The following FAM107A variants were observed in gnomAD, a reference collection of about 807,000 sequenced individuals.
FAM107A encodes the protein actin-associated protein FAM107A.
Under a neutral mutation model 13.7 loss-of-function variants are expected in FAM107A, and 19 were observed. The observed-to-expected ratio is 1.38, with a 90% CI of 0.97 to 2.03. FAM107A has a LOEUF of 2.03. Ranked by LOEUF, FAM107A falls within the 30% of genes most tolerant of loss-of-function variation. The pLI, the probability that FAM107A is intolerant of heterozygous loss-of-function variation, is 0.00. For missense variants in FAM107A, 203 were observed against 184.4 expected, an observed-to-expected ratio of 1.10 and a Z score of -0.58; for synonymous variants, 82 against 74.5, an observed-to-expected ratio of 1.10 and a Z score of -0.52.
chr3:58,577,354 G>A lies in FAM107A; in HGVS notation c.-51C>T. On this transcript the variant is annotated 5_prime_UTR_variant, in exon 1 of 4. Transcript: ENST00000360997. This position sits in a 1 kb window ranked among gnomAD's most constrained non-coding sequence, Gnocchi z 4.9. ...GAAGGGAAGTCAGGAGCGTGTTGCT[G>A]GGTTCCTCACTCCACCGGGAAGTCC... 1 of 985,452 alleles carries A rather than the reference G, an allele frequency of 1.0e-6. No homozygotes were observed. 61.0% of individuals were successfully genotyped at this position (985,452 alleles called of 1,614,324 possible).
At chr3:58,597,260 G>T (rs373985182) in intron 1 of FAM107A, among the ~76,000 whole-genome samples, 4 of 152,212 alleles carry the variant, frequency 2.6e-5, no homozygotes, top group Admixed American at 6.5e-5. Context: ...TTTAGCTATA[G>T]TGGATACTGC....
chr3:58,607,635 C>G (rs533176868), intron 1 of FAM107A: 112 of 152,190 alleles, frequency 7.4e-4, no homozygotes, highest in African/African-American at 2.5e-3. Context: ...TGACTCTGTC[C>G]TGCTAGCATA....
chr3:58,585,524 G>C (rs950489603), intron 1 of FAM107A, among the ~76,000 whole-genome samples: 36 of 152,358 alleles, frequency 2.4e-4, no homozygotes, highest in African/African-American at 7.9e-4. Flanking sequence ...GTTCCAGAGC[G>C]GGCCGCGCGG....
intron 2 of FAM107A, among the ~76,000 whole-genome samples, chr3:58,568,535 C>A (rs2063647716): frequency 6.6e-6 from 1 of 151,950 alleles, no homozygotes; most frequent in African/African-American, 2.4e-5. Flanking sequence ...CAAATACTTT[C>A]TCTGATTTGT....
intron 1 of FAM107A, among the ~76,000 whole-genome samples, chr3:58,625,938 C>T (rs1000143959): frequency 6.6e-6 from 1 of 152,194 alleles, no homozygotes; most frequent in African/African-American, 2.4e-5. Context: ...CCATGTTTAT[C>T]GGGGAGCCTC....
chr3:58,593,473 G>A (rs1287339468), intron 1 of FAM107A, among the ~76,000 whole-genome samples: 3 of 152,048 alleles, frequency 2.0e-5, no homozygotes, highest in Non-Finnish European at 2.9e-5. Context: ...CATCATAACT[G>A]ATATCTCCTG....
chr3:58,575,823 G>A (rs1335180098), intron 1 of FAM107A, among the ~76,000 whole-genome samples: 1 of 152,178 alleles, frequency 6.6e-6, no homozygotes, highest in African/African-American at 2.4e-5. Flanking sequence ...AGAGTCCACG[G>A]GCCTGTCTGG....
In FAM107A at chr3:58,617,392, G is replaced by A. The variant is rs1156323339; in HGVS notation, c.-70+10024C>T. ...ACATCATCCCTATGGGACACCTCAGGCCCCGTCCTGAGCTTCCTGAGGAGC... is the reference window on the plus strand; with the variant it reads ...ACATCATCCCTATGGGACACCTCAGACCCCGTCCTGAGCTTCCTGAGGAGC... On this transcript the variant is annotated intron_variant, in intron 1 of 3. Transcript: ENST00000465970. The surrounding 1 kb of genome is among the most constrained non-coding windows in gnomAD (Gnocchi z 4.5). Among the ~76,000 whole-genome samples, 1 of 152,058 alleles carries A rather than the reference G, an allele frequency of 6.6e-6. No homozygotes were observed.
chr3:58,575,114 TTCTG>T (rs1247845465), intron 1 of FAM107A, among the ~76,000 whole-genome samples: 3 of 152,192 alleles, frequency 2.0e-5, no homozygotes, highest in Non-Finnish European at 4.4e-5. Flanking sequence ...GTAGTCATGT[TTCTG>T]TCTTCGATGG....
rs1559472430 is a variant in FAM107A at position 58,566,339 on chromosome 3, C to T, written c.*249G>A. The T allele has an allele frequency of 1.2e-5, 6 of 485,728 alleles. No homozygotes were observed. Among genetic ancestry groups the T allele is most frequent in the African/African-American group, 2.0e-5 (1 of 51,188 alleles). 30.1% of individuals were successfully genotyped at this position (485,728 alleles called of 1,614,324 possible). A position where few individuals can be genotyped will look rare whatever the true frequency, so the allele number is the denominator to read the frequency against. ...AGCTCCTGTGCTGGGCTCTGAACCC[C>T]TTGCAGGGAGGGGTGCAGGTTATCC... On this transcript the variant is annotated 3_prime_UTR_variant, in exon 4 of 4. Coordinates refer to ENST00000360997, the MANE Select transcript of FAM107A (RefSeq NM_001076778.3).
rs1283213807 is a variant in FAM107A, at chr3:58,566,499, G to A, written c.*89C>T. The A allele has an allele frequency of 2.3e-6, 2 of 862,288 alleles. No homozygotes were observed. The highest frequency in any genetic ancestry group is 1.7e-5 in the African/African-American group (1 of 59,588). The allele number at this position is 862,288 out of a possible 1,614,324, so 53.4% of individuals were successfully genotyped here. ...GGTGGGAACATCACAGACGTCCCAGGGCCTGGGGCCCAGGGCTGCCAGGTA... is the reference window on the plus strand; with the variant it reads ...GGTGGGAACATCACAGACGTCCCAGAGCCTGGGGCCCAGGGCTGCCAGGTA... On this transcript the variant is annotated 3_prime_UTR_variant, in exon 4 of 4. Coordinates refer to ENST00000360997, the MANE Select transcript of FAM107A (RefSeq NM_001076778.3).
chr3:58,624,165 T>G (rs1166210892), intron 1 of FAM107A, among the ~76,000 whole-genome samples: 1 of 152,216 alleles, frequency 6.6e-6, no homozygotes, highest in Non-Finnish European at 1.5e-5. Context: ...TCCAGACATC[T>G]GGGTTGAACT....
At chr3:58,615,711 C>T (rs902562271) in intron 1 of FAM107A, among the ~76,000 whole-genome samples, 3 of 151,870 alleles carry the variant, frequency 2.0e-5, no homozygotes, top group Non-Finnish European at 4.4e-5. Context: ...GCCTGGGCAA[C>T]ATGGTGAGAC....
chr3:58,587,144 G>T, upstream of FAM107A: 1 of 1,346,286 alleles, frequency 7.4e-7, no homozygotes, highest in Non-Finnish European at 9.5e-7. Flanking sequence ...GCAGGTGTCC[G>T]CGCCCAGGTA....
chr3:58,578,202 G>T (rs745513070), upstream of FAM107A, among the ~76,000 whole-genome samples: 18 of 152,222 alleles, frequency 1.2e-4, no homozygotes, highest in Non-Finnish European at 1.6e-4. Flanking sequence ...CCAGAGCCCA[G>T]CATGGTGCAT....
chr3:58,595,239 G>C (rs1243386312), intron 1 of FAM107A, among the ~76,000 whole-genome samples: 1 of 151,768 alleles, frequency 6.6e-6, no homozygotes, highest in Non-Finnish European at 1.5e-5. Context: ...ATTTTGTTTT[G>C]TTTTTCTTAT....
rs370172652 is a variant in FAM107A at position 58,601,100 on chromosome 3, A to G, written c.-69-11831T>C. On this transcript the variant is annotated intron_variant, in intron 1 of 3. Coordinates refer to the FAM107A transcript ENST00000465970. ...GTACTCAATAGGCTATTTAATAATC[A>G]CATTATTATTACCACAATTCTGTTA... Among the ~76,000 whole-genome samples the G allele has an allele frequency of 5.3e-5, 8 of 152,330 alleles. 1 individual carries two copies. In the South Asian group the frequency reaches 1.7e-3, roughly 32 times the overall value.
upstream of FAM107A, among the ~76,000 whole-genome samples, chr3:58,580,894 G>T (rs571699262): frequency 9.9e-5 from 15 of 152,256 alleles, no homozygotes; most frequent in East Asian, 3.9e-4. Context: ...AAGACTCTAA[G>T]AATTAAAAAT....
upstream of FAM107A, among the ~76,000 whole-genome samples, chr3:58,591,896 T>C (rs1040168784): frequency 6.6e-6 from 1 of 152,030 alleles, no homozygotes; most frequent in African/African-American, 2.4e-5. The surrounding 1 kb of genome is among the most constrained non-coding windows in gnomAD (Gnocchi z 4.3). Context: ...AATGAATCAG[T>C]GAATGAGGGA....
Sources: gnomAD v4.1 joint callset for allele counts (sites outside exome capture counted in the v4.1 genomes callset) on GRCh38, gnomAD v4.1.1 for gene constraint, Gnocchi (gnomAD v3.1) non-coding constraint, MANE v1.5 for transcripts, NCBI Gene and HGNC (gene_info 2026-07-23, HGNC 2026-07-21) for gene names.